Variants in MECOM observed in about 807,000 individuals in gnomAD.
MECOM encodes histone-lysine N-methyltransferase MECOM.
In MECOM, 13 loss-of-function variants were observed where a neutral mutation model predicts 116.3. The observed-to-expected ratio is 0.11, with a 90% confidence interval of 0.07 to 0.18. MECOM has a LOEUF of 0.18. MECOM is among the 10% of genes least tolerant of loss of function. The probability of loss-of-function intolerance (pLI) is 1.00; values close to 1 mark genes in which losing one functional copy is unlikely to be tolerated. For synonymous variants in MECOM, 528 were observed against 535.2 expected, an observed-to-expected ratio of 0.99 and a Z score of 0.19; for missense variants, 1,299 against 1,509.0, an observed-to-expected ratio of 0.86 and a Z score of 2.31.
At chr3:169,275,606 CTTCTTTT>C (rs879675592) in intron 2 of MECOM, among the ~76,000 whole-genome samples, 66 of 152,162 alleles carry the variant, frequency 4.3e-4, no homozygotes, top group Non-Finnish European at 7.1e-4. Context: ...ATTTCACTCT[CTTCTTTT>C]TTCTTTTTTA....
intron 2 of MECOM, among the ~76,000 whole-genome samples, chr3:169,322,562 G>A (rs1389781734): frequency 6.6e-6 from 1 of 151,992 alleles, no homozygotes; most frequent in African/African-American, 2.4e-5. Context: ...ACTTAATAAA[G>A]TTTCCTCTTT....
intron 2 of MECOM, among the ~76,000 whole-genome samples, chr3:169,163,287 CCTT>C (rs1743111349): frequency 2.0e-5 from 3 of 152,200 alleles, no homozygotes; most frequent in East Asian, 3.9e-4. Context: ...CTCATGTACT[CCTT>C]CTTTCAGAAA....
chr3:169,295,610 T>C (rs950101300), intron 2 of MECOM, among the ~76,000 whole-genome samples: 1 of 152,204 alleles, frequency 6.6e-6, no homozygotes, highest in Non-Finnish European at 1.5e-5. Context: ...TAAAATAAAC[T>C]AGTAGCATTC....
chr3:169,329,396 A>G (rs10490782), intron 2 of MECOM, among the ~76,000 whole-genome samples: 12,086 of 152,290 alleles, frequency 0.079, 487 homozygotes, highest in East Asian at 0.11. Flanking sequence ...TTAACCAAAG[A>G]AGAAGTCTCA....
rs779471104 is a variant in MECOM, at chr3:169,468,735, G to A, written c.38-87211C>T. ...TCATTAATGCATAATGGTAGCAATT[G>A]TTGTAACCATTTCTGACACATGGAA... On this transcript the variant is annotated intron_variant, in intron 1 of 16. Coordinates refer to ENST00000651503, the MANE Select transcript of MECOM (RefSeq NM_004991.4). Among the ~76,000 whole-genome samples the A allele has an allele frequency of 6.6e-5, 10 of 152,296 alleles. No individual in the cohort carries two copies. The East Asian group carries it at 1.4e-3, about 21-fold the overall frequency.
At chr3:169,441,356 T>C (rs1457402852) in intron 1 of MECOM, among the ~76,000 whole-genome samples, 1 of 152,186 alleles carries the variant, frequency 6.6e-6, no homozygotes, top group African/African-American at 2.4e-5. Context: ...TTTGAGTGTA[T>C]ATAGCAACTT....
chr3:169,391,588 G>A lies in MECOM; in HGVS notation c.38-10064C>T, dbSNP rs544254832. Among the ~76,000 whole-genome samples the A allele has an allele frequency of 3.3e-5, 5 of 152,052 alleles. No individual in the cohort carries two copies. In the South Asian group the frequency reaches 1.0e-3, roughly 32 times the overall value. ...AAGATTTTTTGCTTTTTTTAAGTAT[G>A]AGAAAACATTATATATTTTGATTAA... is the stretch of plus-strand genomic sequence containing the variant. On this transcript the variant is annotated intron_variant, in intron 1 of 16. Coordinates refer to ENST00000651503, the MANE Select transcript of MECOM (RefSeq NM_004991.4).
intron 1 of MECOM, among the ~76,000 whole-genome samples, chr3:169,495,310 G>C (rs970652728): frequency 6.6e-6 from 1 of 152,174 alleles, no homozygotes; most frequent in Non-Finnish European, 1.5e-5. Context: ...ATGTGGGGGA[G>C]GACAGGGATG....
At chr3:169,521,856 G>A (rs1412848815) in intron 1 of MECOM, among the ~76,000 whole-genome samples, 1 of 152,164 alleles carries the variant, frequency 6.6e-6, no homozygotes, top group East Asian at 1.9e-4. Context: ...AGGAAAAAAT[G>A]TGTCTGCCTT....
chr3:169,263,520 GCACA>G lies in MECOM; in HGVS notation c.375+117663_375+117666del, dbSNP rs3077288. Among the ~76,000 whole-genome samples, 273 of 146,486 alleles carry G rather than the reference GCACA, an allele frequency of 1.9e-3. 3 individuals are homozygous for G. Among genetic ancestry groups the G allele is most frequent in the African/African-American group, 4.5e-3 (182 of 40,276 alleles). ...TCTTTTGATCATACGCAGAGCACTT[GCACA>G]CACACACACACACACACACACAGAG... On this transcript the variant is annotated intron_variant, in intron 2 of 16. Coordinates refer to ENST00000651503, the MANE Select transcript of MECOM (RefSeq NM_004991.4).
At chr3:169,135,228 A>C (rs1735997311) in intron 3 of MECOM, among the ~76,000 whole-genome samples, 1 of 152,066 alleles carries the variant, frequency 6.6e-6, no homozygotes, top group African/African-American at 2.4e-5. Context: ...TCCATAAAAC[A>C]GTTAATAATG....
intron 1 of MECOM, among the ~76,000 whole-genome samples, chr3:169,455,152 G>GT (rs1560295224): frequency 2.6e-5 from 4 of 152,112 alleles, no homozygotes. Flanking sequence ...TCATTATAAG[G>GT]TTAGCTCCAG....
chr3:169,095,772 T>G (rs1001458135), intron 12 of MECOM, among the ~76,000 whole-genome samples: 1 of 152,142 alleles, frequency 6.6e-6, no homozygotes, highest in Non-Finnish European at 1.5e-5. Flanking sequence ...ACTAAAACAA[T>G]GTAAATAATT....
At chr3:169,315,701 G>A (rs1009222403) in intron 2 of MECOM, among the ~76,000 whole-genome samples, 5 of 152,118 alleles carry the variant, frequency 3.3e-5, no homozygotes, top group Admixed American at 1.3e-4. Flanking sequence ...CCCAAAGAGC[G>A]CCAGATTAAA....
chr3:169,537,896 C>T (rs1222597447), intron 1 of MECOM, among the ~76,000 whole-genome samples: 1 of 152,070 alleles, frequency 6.6e-6, no homozygotes, highest in Non-Finnish European at 1.5e-5. Context: ...AAACCTACTT[C>T]TATTAGTTTT....
chr3:169,482,700 A>G (rs996618800), intron 1 of MECOM, among the ~76,000 whole-genome samples: 2 of 152,164 alleles, frequency 1.3e-5, no homozygotes, highest in Non-Finnish European at 2.9e-5. Flanking sequence ...TTGGCAGTTC[A>G]TCTTACTAAA....
chr3:169,128,019 CAAAGAGCTG>C lies in MECOM; in HGVS notation c.646_654del (p.Gln216_Phe218del). ...TGATCTGCTAGTTCAGCCTTAGATT[CAAAGAGCTG>C]GTCACAGTCTTCGCAGCGATATTGC... is the stretch of plus-strand genomic sequence containing the variant. On this transcript the variant is annotated inframe_deletion, in exon 5 of 17. Coordinates refer to ENST00000651503, the MANE Select transcript of MECOM (RefSeq NM_004991.4). 1 of 1,614,028 alleles carries C rather than the reference CAAAGAGCTG, an allele frequency of 6.2e-7. No individual in the cohort carries two copies. The highest frequency in any genetic ancestry group is 1.7e-5 in the Admixed American group (1 of 60,008).
At chr3:169,561,019 A>G (rs2109362582) in intron 1 of MECOM, among the ~76,000 whole-genome samples, 1 of 152,112 alleles carries the variant, frequency 6.6e-6, no homozygotes, top group African/African-American at 2.4e-5. Flanking sequence ...ATATGAACAA[A>G]CAATTCAGAA....
intron 2 of MECOM, among the ~76,000 whole-genome samples, chr3:169,333,033 A>G (rs1356893840): frequency 6.6e-6 from 1 of 152,250 alleles, no homozygotes. Flanking sequence ...ATATTCTAAC[A>G]AAAACATAGC....
Sources: gnomAD v4.1 joint callset for allele counts (sites outside exome capture counted in the v4.1 genomes callset) on GRCh38, gnomAD v4.1.1 for gene constraint, MANE v1.5 for transcripts, NCBI Gene and HGNC (gene_info 2026-07-23, HGNC 2026-07-21) for gene names.